Variants in NRXN3 observed in about 807,000 individuals in gnomAD.
The protein encoded by NRXN3 is neurexin III.
A neutral mutation model predicts 137.6 loss-of-function variants in NRXN3; 32 were observed. The ratio of observed to expected loss-of-function variants is 0.23; its 90% confidence interval spans 0.18 to 0.31. NRXN3 has a LOEUF of 0.31. NRXN3 is among the 10% of genes least tolerant of loss of function. NRXN3 has a pLI of 1.00. For synonymous variants in NRXN3, 798 were observed against 784.5 expected (o/e 1.02, Z -0.29); for missense variants, 1,574 against 2,062.5 (o/e 0.76, Z 4.59).
At chr14:79,264,522 ATG>A (rs34099529) in intron 15 of NRXN3, among the ~76,000 whole-genome samples, 82,204 of 145,024 alleles carry the variant, frequency 0.57, 22,967 homozygotes, top group Non-Finnish European at 0.6. Context: ...TGTTTACATG[ATG>A]TGTGTGTGTG....
At position 79,419,679 on chromosome 14, in the gene NRXN3, G is replaced by A. The variant is rs117979534; in HGVS notation, c.3263-47542G>A. On this transcript the variant is annotated intron_variant, in intron 15 of 20. Transcript: ENST00000335750. Reference sequence around the variant, plus strand: ...AAAGACAGAAAGTGAGGCATGTCCAGTATGGTGAAATCAGCTGTAATCAAT... The same window carrying A: ...AAAGACAGAAAGTGAGGCATGTCCAATATGGTGAAATCAGCTGTAATCAAT... 4.1e-4 allele frequency among the ~76,000 whole-genome samples: 63 copies of A among 152,244 alleles called. No individual in the cohort carries two copies. In the East Asian group the frequency reaches 0.012, roughly 29 times the overall value.
In NRXN3 at chr14:78,242,877, A is replaced by C; in HGVS notation, c.-217A>C. 4.3e-6 allele frequency: 2 copies of C among 469,360 alleles called. No individual in the cohort carries two copies. Among genetic ancestry groups the C allele is most frequent in the East Asian group, 3.2e-5 (1 of 30,806 alleles). The allele number at this position is 469,360 out of a possible 1,614,324, so 29.1% of individuals were successfully genotyped here. On this transcript the variant is annotated 5_prime_UTR_variant, in exon 2 of 21. Coordinates refer to ENST00000335750, the MANE Select transcript of NRXN3 (RefSeq NM_001330195.2). ...TCCTGTCTTTTTCTACTGCCTCTTTATTCAATTTCTTGCTTGTGTGCCCCT... is the reference window on the plus strand; with the variant it reads ...TCCTGTCTTTTTCTACTGCCTCTTTCTTCAATTTCTTGCTTGTGTGCCCCT...
intron 15 of NRXN3, among the ~76,000 whole-genome samples, chr14:79,064,488 AT>A (rs2099678206): frequency 6.6e-6 from 1 of 151,962 alleles, no homozygotes; most frequent in Admixed American, 6.6e-5. Context: ...TCTCCAAGTT[AT>A]TTTTGGTCTA....
chr14:79,071,929 C>T (rs1419260753), intron 15 of NRXN3, among the ~76,000 whole-genome samples: 1 of 151,916 alleles, frequency 6.6e-6, no homozygotes, highest in East Asian at 1.9e-4. Flanking sequence ...AACTTATGCC[C>T]CATAAATATG....
chr14:78,762,360 G>A (rs1408070387), intron 8 of NRXN3, among the ~76,000 whole-genome samples: 4 of 152,176 alleles, frequency 2.6e-5, no homozygotes. Context: ...GGGAGACGGA[G>A]TTAGGTAAGG....
At chr14:79,699,909 A>G (rs1466633183) in intron 19 of NRXN3, among the ~76,000 whole-genome samples, 1 of 152,038 alleles carries the variant, frequency 6.6e-6, no homozygotes, top group African/African-American at 2.4e-5. Flanking sequence ...AGGAAAGCCA[A>G]TAGCCTACAA....
intron 4 of NRXN3, among the ~76,000 whole-genome samples, chr14:78,355,040 G>A (rs2084071175): frequency 6.6e-6 from 1 of 152,158 alleles, no homozygotes; most frequent in African/African-American, 2.4e-5. Context: ...CCCTACGTAT[G>A]TGTGAACCCT....
intron 6 of NRXN3, among the ~76,000 whole-genome samples, chr14:78,668,105 A>G (rs1416583196): frequency 1.3e-5 from 2 of 152,142 alleles, no homozygotes; most frequent in Non-Finnish European, 2.9e-5. Context: ...TTCTTAGAGT[A>G]ACTTTTCTTC....
intron 15 of NRXN3, among the ~76,000 whole-genome samples, chr14:79,394,425 G>T (rs2094952740): frequency 6.6e-6 from 1 of 152,192 alleles, no homozygotes; most frequent in South Asian, 2.1e-4. Flanking sequence ...AGAATTGAAA[G>T]AACTTGCTCC....
At chr14:79,494,228 T>C (rs1477670801) in intron 16 of NRXN3, among the ~76,000 whole-genome samples, 1 of 152,182 alleles carries the variant, frequency 6.6e-6, no homozygotes, top group Non-Finnish European at 1.5e-5. Context: ...TCAAGAGATT[T>C]GCCTCCTAAC....
chr14:79,364,584 A>G (rs1003364016), intron 15 of NRXN3, among the ~76,000 whole-genome samples: 12 of 152,314 alleles, frequency 7.9e-5, no homozygotes, highest in African/African-American at 2.9e-4. Flanking sequence ...TAAACCAAAC[A>G]AAAGAAAAAT....
intron 10 of NRXN3, among the ~76,000 whole-genome samples, chr14:78,889,445 C>G (rs1472989158): frequency 6.6e-6 from 1 of 151,946 alleles, no homozygotes; most frequent in Non-Finnish European, 1.5e-5. Context: ...TTTACTTCAC[C>G]AACTGCATCC....
chr14:79,818,845 A>G (rs2099261564), intron 20 of NRXN3, among the ~76,000 whole-genome samples: 1 of 152,266 alleles, frequency 6.6e-6, no homozygotes, highest in Admixed American at 6.5e-5. Flanking sequence ...TGCTTGTATT[A>G]TAATCCTTAT....
chr14:78,651,390 G>A (rs1450358380), intron 6 of NRXN3, 64 bp downstream of exon 6: 1 of 1,527,930 alleles, frequency 6.5e-7, no homozygotes, highest in East Asian at 2.3e-5. Flanking sequence ...CAAATGACAT[G>A]TCTAAATCAA....
chr14:79,230,284 T>C (rs913585688), intron 15 of NRXN3, among the ~76,000 whole-genome samples: 1 of 152,142 alleles, frequency 6.6e-6, no homozygotes, highest in Non-Finnish European at 1.5e-5. Context: ...CCACCTCACA[T>C]AACCAAACTA....
At chr14:79,054,789 C>A (rs1450702717) in intron 15 of NRXN3, among the ~76,000 whole-genome samples, 10 of 152,166 alleles carry the variant, frequency 6.6e-5, no homozygotes, top group Non-Finnish European at 1.5e-4. Context: ...TCCATAGATA[C>A]CTGACAGGAA....
intron 10 of NRXN3, among the ~76,000 whole-genome samples, chr14:78,814,004 C>T (rs1018576198): frequency 1.3e-5 from 2 of 152,050 alleles, no homozygotes; most frequent in Admixed American, 6.6e-5. Flanking sequence ...TTTGTCTTTC[C>T]TCATGGTATC....
intron 3 of NRXN3, among the ~76,000 whole-genome samples, chr14:78,286,250 A>G (rs1761993460): frequency 6.6e-6 from 1 of 152,182 alleles, no homozygotes; most frequent in South Asian, 2.1e-4. Context: ...CAGCAGTGGC[A>G]TTTAGAAGGA....
intron 10 of NRXN3, among the ~76,000 whole-genome samples, chr14:78,916,661 T>G (rs1469466121): frequency 6.6e-6 from 1 of 152,178 alleles, no homozygotes; most frequent in Non-Finnish European, 1.5e-5. Context: ...GTGGGGAATT[T>G]GAGTTTTATT....
Sources: gnomAD v4.1 joint callset for allele counts (sites outside exome capture counted in the v4.1 genomes callset) on GRCh38, gnomAD v4.1.1 for gene constraint, MANE v1.5 for transcripts, NCBI Gene and HGNC (gene_info 2026-07-23, HGNC 2026-07-21) for gene names.